RADIL: variants seen among roughly 807,000 people sequenced by gnomAD.
RADIL encodes the protein ras-associating and dilute domain-containing protein.
A neutral mutation model predicts 97.6 loss-of-function variants in RADIL; 99 were observed. The ratio of observed to expected loss-of-function variants is 1.01; its 90% CI spans 0.86 to 1.20. The LOEUF is 1.20. Ranked by LOEUF, RADIL falls within the 50% of genes most tolerant of loss-of-function variation. The probability of loss-of-function intolerance (pLI) is 0.00; values close to 1 mark genes in which losing one functional copy is unlikely to be tolerated. For missense variants in RADIL, 1,765 were observed against 1,498.9 expected, an observed-to-expected ratio of 1.18 and a Z score of -2.93; for synonymous variants, 803 against 691.8, an observed-to-expected ratio of 1.16 and a Z score of -2.52.
rs114537572 is a variant in RADIL at position 4,872,110 on chromosome 7, C to A, written c.535+5495G>T. ...GCCACTGTGGATCAGGCCTGAGGGC[C>A]TGGGGCAGGTACTCAGCCATATGGT... is the stretch of plus-strand genomic sequence containing the variant. On this transcript the variant is annotated intron_variant, in intron 2 of 14. Coordinates refer to ENST00000399583, the MANE Select transcript of RADIL (RefSeq NM_018059.5). This position sits in a 1 kb window ranked among gnomAD's most constrained non-coding sequence, Gnocchi z 5.8. 0.023 allele frequency among the ~76,000 whole-genome samples: 3,444 copies of A among 152,194 alleles called. 142 individuals are homozygous for A. Among genetic ancestry groups the A allele is most frequent in the African/African-American group, 0.08 (3,305 of 41,490 alleles).
At position 4,837,444 on chromosome 7, in the gene RADIL, A is replaced by G. The variant is rs1783329292; in HGVS notation, c.536-839T>C. 6.6e-6 allele frequency among the ~76,000 whole-genome samples: 1 copy of G among 151,974 alleles called. No homozygotes were observed. Among genetic ancestry groups the G allele is most frequent in the African/African-American group, 2.4e-5 (1 of 41,354 alleles). On this transcript the variant is annotated intron_variant, in intron 2 of 14. Transcript: ENST00000399583. This position sits in a 1 kb window ranked among gnomAD's most constrained non-coding sequence, Gnocchi z 5.6. ...GGAGGAGGTGTCACTGTGCCACATC[A>G]CCCCAGCCCATGGGGCTGCCGATGG...
chr7:4,863,953 C>T (rs1394330428), intron 2 of RADIL, among the ~76,000 whole-genome samples: 2 of 152,296 alleles, frequency 1.3e-5, no homozygotes, highest in South Asian at 2.1e-4. Flanking sequence ...CCTTTTTCTT[C>T]CAGCCCTAGA....
At chr7:4,860,537 G>C (rs1377204739) in intron 2 of RADIL, 2 of 1,614,112 alleles carry the variant, frequency 1.2e-6, no homozygotes, top group Non-Finnish European at 1.7e-6. Context: ...ATTTTCTTTG[G>C]GTGCTGGAAA....
At chr7:4,852,328 G>A (rs1783728808) in intron 2 of RADIL, among the ~76,000 whole-genome samples, 1 of 152,168 alleles carries the variant, frequency 6.6e-6, no homozygotes, top group African/African-American at 2.4e-5. Flanking sequence ...GCAGAGCTGA[G>A]AGACTACCCC....
At position 4,815,659 on chromosome 7, in the gene RADIL, T is replaced by A. The variant is rs1317975263; in HGVS notation, c.1967-209A>T. 1.3e-5 allele frequency among the ~76,000 whole-genome samples: 2 copies of A among 152,078 alleles called. No homozygotes were observed. Among genetic ancestry groups the A allele is most frequent in the African/African-American group, 2.4e-5 (1 of 41,418 alleles). ...GCGGGGGTACGGTGGGAGGTGAACG[T>A]AGCAGGGCAGGGTGGGCTGTGACTG... is the stretch of plus-strand genomic sequence containing the variant. On this transcript the variant is annotated intron_variant, in intron 8 of 14. Transcript: ENST00000399583. This position sits in a 1 kb window ranked among gnomAD's most constrained non-coding sequence, Gnocchi z 8.0.
Position 4,849,031 on chromosome 7 carries a change from G to A in RADIL, c.536-12426C>T, listed in dbSNP as rs374038153. On this transcript the variant is annotated intron_variant, in intron 2 of 14. Transcript: ENST00000399583. This position sits in a 1 kb window ranked among gnomAD's most constrained non-coding sequence, Gnocchi z 5.4. The stretch of plus-strand genomic sequence containing the variant: ...CATATGCCTGTAATCCCAGCTACTC[G>A]AGAGACTGAAGCAGGAGAATCGTTT... 8.6e-4 allele frequency among the ~76,000 whole-genome samples: 131 copies of A among 151,974 alleles called. No homozygotes were observed. Among genetic ancestry groups the A allele is most frequent in the African/African-American group, 2.7e-3 (112 of 41,462 alleles).
At position 4,848,744 on chromosome 7, in the gene RADIL, G is replaced by T. The variant is rs534704367; in HGVS notation, c.536-12139C>A. Among the ~76,000 whole-genome samples, 6 of 152,256 alleles carry T rather than the reference G, an allele frequency of 3.9e-5. No individual in the cohort carries two copies. The South Asian group carries it at 1.0e-3, about 26-fold the overall frequency. ...TAGGAATTGGAAATTTGGAGAGGCG[G>T]GTGGTGAAAAGACCTAAGTTCTCAT... On this transcript the variant is annotated intron_variant, in intron 2 of 14. Coordinates refer to ENST00000399583, the MANE Select transcript of RADIL (RefSeq NM_018059.5).
In RADIL at chr7:4,867,104, A is replaced by C. The variant is rs984228103; in HGVS notation, c.535+10501T>G. Among the ~76,000 whole-genome samples, 1 of 152,172 alleles carries C rather than the reference A, an allele frequency of 6.6e-6. No individual in the cohort carries two copies. The highest frequency in any genetic ancestry group is 2.4e-5 in the African/African-American group (1 of 41,448). On this transcript the variant is annotated intron_variant, in intron 2 of 14. Transcript: ENST00000399583. This position sits in a 1 kb window ranked among gnomAD's most constrained non-coding sequence, Gnocchi z 4.1. ...TCTCAGCCTGTGGAACCATGAGATA[A>C]ATAAACCTCTTTTCCTTATACATTA...
At chr7:4,816,139 G>T in intron 8 of RADIL, 89 bp downstream of exon 8, 2 of 1,289,564 alleles carry the variant, frequency 1.6e-6, no homozygotes, top group Non-Finnish European at 2.2e-6. Context: ...GGGCAGAGCC[G>T]CCTCCAGGAG....
chr7:4,823,572 C>T (rs556002344), intron 5 of RADIL, among the ~76,000 whole-genome samples: 2 of 152,148 alleles, frequency 1.3e-5, no homozygotes. Context: ...GTTGGGGGGG[C>T]GCCCTTCCCT....
intron 2 of RADIL, among the ~76,000 whole-genome samples, chr7:4,869,350 G>T (rs568076094): frequency 6.6e-6 from 1 of 152,216 alleles, no homozygotes; most frequent in African/African-American, 2.4e-5. Flanking sequence ...CTCGGGCTGG[G>T]CTCCAACTCC....
At chr7:4,810,215 G>A (rs1782501412) in intron 9 of RADIL, among the ~76,000 whole-genome samples, 1 of 152,092 alleles carries the variant, frequency 6.6e-6, no homozygotes, top group African/African-American at 2.4e-5. Flanking sequence ...CCAGGCTGGA[G>A]TGCAGTGGCA....
At chr7:4,856,614 C>A (rs1044591420) in intron 2 of RADIL, among the ~76,000 whole-genome samples, 1 of 152,058 alleles carries the variant, frequency 6.6e-6, no homozygotes, top group African/African-American at 2.4e-5. Context: ...TTTTTTGTGT[C>A]TTCTTTATGC....
chr7:4,878,881 C>T lies in RADIL; in HGVS notation c.-64-678G>A, dbSNP rs1045372494. On this transcript the variant is annotated intron_variant, in intron 1 of 14. Coordinates refer to ENST00000399583, the MANE Select transcript of RADIL (RefSeq NM_018059.5). This position sits in a 1 kb window ranked among gnomAD's most constrained non-coding sequence, Gnocchi z 4.1. ...GGGCAAAGCTTCGCCTCTCCGTAAA[C>T]CTCGTGTCTCCTACCCCACAGGCTG... Among the ~76,000 whole-genome samples, 7 of 152,346 alleles carry T rather than the reference C, an allele frequency of 4.6e-5. No individual in the cohort carries two copies. The highest frequency in any genetic ancestry group is 3.9e-4 in the East Asian group (2 of 5,180).
chr7:4,817,105 T>C lies in RADIL; in HGVS notation c.1728+134A>G. ...TGCAGAACCTGCAGCCACTGCTCCC[T>C]GATGAAGTGGAGCTTGTCACGGTCC... On this transcript the variant is annotated intron_variant, in intron 7 of 14. Coordinates refer to ENST00000399583, the MANE Select transcript of RADIL (RefSeq NM_018059.5). The surrounding 1 kb of genome is among the most constrained non-coding windows in gnomAD (Gnocchi z 8.3). 1.4e-6 allele frequency: 1 copy of C among 726,094 alleles called. No individual in the cohort carries two copies. Among genetic ancestry groups the C allele is most frequent in the Non-Finnish European group, 2.3e-6 (1 of 437,532 alleles). The allele number at this position is 726,094 out of a possible 1,614,324, so 45.0% of individuals were successfully genotyped here.
intron 10 of RADIL, among the ~76,000 whole-genome samples, chr7:4,805,064 A>C (rs1224519940): frequency 6.6e-6 from 1 of 152,208 alleles, no homozygotes; most frequent in Non-Finnish European, 1.5e-5. Context: ...ACTGCACTCC[A>C]GCCTGGATGA....
chr7:4,865,897 C>A, intron 2 of RADIL: 1 of 632,024 alleles, frequency 1.6e-6, no homozygotes, highest in Admixed American at 2.5e-5. Flanking sequence ...GTTCTAATTA[C>A]CTTTAGCATT....
In RADIL at chr7:4,860,162, C is replaced by T. The variant is rs201222213; in HGVS notation, c.535+17443G>A. 1.0e-4 allele frequency: 169 copies of T among 1,613,970 alleles called. 1 individual carries two copies. The African/African-American group carries it at 1.8e-3, about 17-fold the overall frequency. ...AGGACTGTTTCTACCCTGAGAACTG[C>T]TAATCAATGGGCCTGTCTTCATAGT... On this transcript the variant is annotated intron_variant, in intron 2 of 14. Coordinates refer to ENST00000399583, the MANE Select transcript of RADIL (RefSeq NM_018059.5).
At chr7:4,827,382 G>T (rs372189652) in intron 5 of RADIL, among the ~76,000 whole-genome samples, 2 of 145,134 alleles carry the variant, frequency 1.4e-5, no homozygotes, top group Non-Finnish European at 3.0e-5. Context: ...AAAAAGGGCC[G>T]GGTGCGGTGG....
Sources: allele counts gnomAD v4.1 joint callset (sites outside exome capture counted in the v4.1 genomes callset), GRCh38; gene constraint gnomAD v4.1.1; non-coding constraint Gnocchi (gnomAD v3.1); transcripts MANE v1.5; gene names NCBI Gene and HGNC (gene_info 2026-07-23, HGNC 2026-07-21).